LDHB: variants seen among roughly 807,000 people sequenced by gnomAD.
The protein encoded by LDHB is L-lactate dehydrogenase B chain.
Under a neutral mutation model 33.4 loss-of-function variants are expected in LDHB, and 18 were observed. That is an observed-to-expected ratio of 0.54 (90% confidence interval 0.37 to 0.80). The LOEUF is 0.80. Among genes scored for constraint, LDHB ranks in the 30% least tolerant of loss-of-function variants. The probability of loss-of-function intolerance (pLI) is 0.00; values close to 1 mark genes in which losing one functional copy is unlikely to be tolerated. For missense variants in LDHB, 345 were observed against 407.9 expected (o/e 0.85, Z 1.33); for synonymous variants, 121 against 140.6 (o/e 0.86, Z 0.98).
At position 21,641,397 on chromosome 12, in the gene LDHB, G is replaced by C. The variant is rs144310760; in HGVS notation, c.595+555C>G. 6.7e-3 allele frequency among the ~76,000 whole-genome samples: 1,020 copies of C among 152,116 alleles called. 9 individuals carry two copies. Among genetic ancestry groups the C allele is most frequent in the African/African-American group, 0.023 (961 of 41,508 alleles). ...ACAATCAGACAAGTCTAAAATGATG[G>C]GCATTCCACAAAATAACTCACCTGA... is the stretch of plus-strand genomic sequence containing the variant. On this transcript the variant is annotated intron_variant, in intron 5 of 7. Coordinates refer to ENST00000350669, the MANE Select transcript of LDHB (RefSeq NM_002300.8).
intron 3 of LDHB, among the ~76,000 whole-genome samples, chr12:21,644,861 TCA>T (rs778521738): frequency 2.0e-5 from 3 of 152,186 alleles, no homozygotes; most frequent in Non-Finnish European, 4.4e-5. Context: ...GCAAAATGTT[TCA>T]CACAGTACCC....
intron 7 of LDHB, among the ~76,000 whole-genome samples, chr12:21,636,344 T>TA (rs546167683): frequency 0.01 from 1,278 of 126,474 alleles, 8 homozygotes; most frequent in African/African-American, 0.016. Flanking sequence ...CAAGAATTGC[T>TA]AAAAAAAAAA....
intron 2 of LDHB, among the ~76,000 whole-genome samples, chr12:21,653,830 C>T: frequency 6.6e-6 from 1 of 152,206 alleles, no homozygotes; most frequent in South Asian, 2.1e-4. Flanking sequence ...AGGGGCATAA[C>T]AGAATATTCC....
chr12:21,640,157 T>A (rs5796914), intron 5 of LDHB, among the ~76,000 whole-genome samples: 8 of 1,706 alleles, frequency 4.7e-3, no homozygotes, highest in Non-Finnish European at 0.042. Context: ...TTTTATTATT[T>A]TTTTTTGCCA....
In LDHB at chr12:21,643,831, T is replaced by C. The variant is rs114094721; in HGVS notation, c.421+104A>G. 4.3e-3 allele frequency: 3,900 copies of C among 898,864 alleles called. 107 individuals are homozygous for C. The African/African-American group carries it at 0.057, about 13-fold the overall frequency. 55.7% of individuals were successfully genotyped at this position (898,864 alleles called of 1,614,324 possible). On this transcript the variant is annotated intron_variant, in intron 4 of 7. Coordinates refer to ENST00000350669, the MANE Select transcript of LDHB (RefSeq NM_002300.8). ...CAATGAAAGAAGACATGTAAACTGC[T>C]TCTGTAAATGAATACTGGGACTGAT...
chr12:21,648,170 T>G (rs918388812), intron 2 of LDHB, among the ~76,000 whole-genome samples: 1 of 152,066 alleles, frequency 6.6e-6, no homozygotes, highest in Non-Finnish European at 1.5e-5. Flanking sequence ...ATCACCAGAG[T>G]CCTTGCTCTT....
rs1241658077 is a variant in LDHB at position 21,635,537 on chromosome 12, A to AC, written c.*4dup. ...TTTAAATTTCTACAGCCTAGAGCTC[A>AC]CTAGTCACAGGTCTTTTAGGTCCTT... On this transcript the variant is annotated 3_prime_UTR_variant, in exon 8 of 8. Transcript: ENST00000350669. The AC allele has an allele frequency of 6.2e-7, 1 of 1,610,010 alleles. No homozygotes were observed. Among genetic ancestry groups the AC allele is most frequent in the Non-Finnish European group, 8.5e-7 (1 of 1,177,996 alleles).
At chr12:21,651,911 T>C (rs1243191912) in intron 2 of LDHB, among the ~76,000 whole-genome samples, 1 of 152,206 alleles carries the variant, frequency 6.6e-6, no homozygotes, top group African/African-American at 2.4e-5. Context: ...TAAGAAAATG[T>C]ACTCCATTTT....
intron 4 of LDHB, 61 bp from the exon 5 acceptor site, chr12:21,642,186 C>T (rs867083991): frequency 8.0e-7 from 1 of 1,253,334 alleles, no homozygotes; most frequent in Middle Eastern, 1.9e-4. Flanking sequence ...TGTTAGGCAG[C>T]TTGGGGTGCC....
chr12:21,653,643 C>CATATAT (rs748447085), intron 2 of LDHB, among the ~76,000 whole-genome samples: 1 of 124,854 alleles, frequency 8.0e-6, no homozygotes, highest in Non-Finnish European at 1.6e-5. Context: ...TGAACATACA[C>CATATAT]ATATATATAT....
intron 3 of LDHB, among the ~76,000 whole-genome samples, chr12:21,644,728 T>G (rs921580199): frequency 6.0e-4 from 91 of 152,158 alleles, no homozygotes; most frequent in African/African-American, 2.1e-3. Flanking sequence ...TAAACTGGGT[T>G]ACAGTGCGGC....
At chr12:21,651,553 C>A (rs1437606357) in intron 2 of LDHB, among the ~76,000 whole-genome samples, 2 of 152,164 alleles carry the variant, frequency 1.3e-5, no homozygotes, top group Non-Finnish European at 2.9e-5. Context: ...CATCTATGAG[C>A]TCAAAAAGGC....
intron 2 of LDHB, among the ~76,000 whole-genome samples, chr12:21,652,672 A>C (rs1367854146): frequency 6.6e-6 from 1 of 152,112 alleles, no homozygotes; most frequent in Non-Finnish European, 1.5e-5. Flanking sequence ...TAGTCAATTG[A>C]AACTAGCTAG....
At chr12:21,646,858 G>T in intron 3 of LDHB, 41 bp downstream of exon 3, 1 of 1,192,982 alleles carries the variant, frequency 8.4e-7, no homozygotes, top group Non-Finnish European at 1.3e-6. Context: ...TTGGGGCCAT[G>T]AAAAAAATAT....
At position 21,635,425 on chromosome 12, in the gene LDHB, A is replaced by G; in HGVS notation, c.*117T>C. The G allele has an allele frequency of 1.2e-6, 1 of 867,658 alleles. No homozygotes were observed. The highest frequency in any genetic ancestry group is 1.4e-5 in the South Asian group (1 of 73,828). 53.7% of individuals were successfully genotyped at this position (867,658 alleles called of 1,614,324 possible). A position where few individuals can be genotyped will look rare whatever the true frequency, so the allele number is the denominator to read the frequency against. ...GCATAGGCTTTGATTCTGTGAGCCC[A>G]AATTCACATATTGAAGAAGATCAAA... On this transcript the variant is annotated 3_prime_UTR_variant, in exon 8 of 8. Coordinates refer to ENST00000350669, the MANE Select transcript of LDHB (RefSeq NM_002300.8).
chr12:21,644,453 A>AAAAAAAAAAAC (rs371337937), intron 3 of LDHB, among the ~76,000 whole-genome samples: 2 of 113,174 alleles, frequency 1.8e-5, no homozygotes, highest in East Asian at 2.6e-4. Context: ...AAACAAAAAC[A>AAAAAAAAAAAC]AAAACCAATT....
At position 21,643,926 on chromosome 12, in the gene LDHB, C is replaced by A; in HGVS notation, c.421+9G>T. 6.3e-7 allele frequency: 1 copy of A among 1,588,292 alleles called. No homozygotes were observed. The highest frequency in any genetic ancestry group is 8.6e-7 in the Non-Finnish European group (1 of 1,156,548). Reference sequence around the variant, plus strand: ...TAACAGAACAGAGACTTAAAGTATACAATAATACCTGGGTTGGAAACCACA... The same window carrying A: ...TAACAGAACAGAGACTTAAAGTATAAAATAATACCTGGGTTGGAAACCACA... On this transcript the variant is annotated intron_variant, in intron 4 of 7. Transcript: ENST00000350669.
At chr12:21,638,639 T>A (rs983185354) in intron 5 of LDHB, 169 bp from the exon 6 acceptor site, 2 of 594,172 alleles carry the variant, frequency 3.4e-6, no homozygotes, top group Admixed American at 5.9e-5. Context: ...CCAAAAAGGC[T>A]GACGTTTGCC....
chr12:21,652,517 C>T (rs999322446), intron 2 of LDHB, among the ~76,000 whole-genome samples: 10 of 152,180 alleles, frequency 6.6e-5, no homozygotes, highest in African/African-American at 2.2e-4. Context: ...TTTATTGGCA[C>T]GAACAGTGAG....
Sources: allele counts gnomAD v4.1 joint callset (sites outside exome capture counted in the v4.1 genomes callset), GRCh38; gene constraint gnomAD v4.1.1; transcripts MANE v1.5; gene names NCBI Gene and HGNC (gene_info 2026-07-23, HGNC 2026-07-21).